The following CREB3L3 variants were observed in gnomAD, a reference collection of about 807,000 sequenced individuals.
CREB3L3 encodes cAMP responsive element binding protein 3 like 3, also known as cyclic AMP-responsive element-binding protein 3-like protein 3.
CREB3L3 carries 40 observed loss-of-function variants against 44.6 expected under a neutral mutation model. That is an observed-to-expected ratio of 0.90 (90% confidence interval 0.70 to 1.17). The LOEUF is 1.17. CREB3L3 is among the 50% of genes most tolerant of loss of function. The pLI is 0.00. For missense variants in CREB3L3, 578 were observed against 595.8 expected, an observed-to-expected ratio of 0.97 and a Z score of 0.31; for synonymous variants, 273 against 256.3, an observed-to-expected ratio of 1.06 and a Z score of -0.62.
At chr19:4,159,808 G>A (rs377704339) in intron 4 of CREB3L3, 26 bp downstream of exon 4, 217 of 1,002,930 alleles carry the variant, frequency 2.2e-4, no homozygotes, top group Middle Eastern at 6.7e-4. Flanking sequence ...CCCTCCCATG[G>A]GGCGTTGGAG....
In CREB3L3 at chr19:4,167,279, G is replaced by C. The variant is rs565210982; in HGVS notation, c.715-1072G>C. ...AATCACTTGAACCCTGGGGGTGGAG[G>C]TTGCAGTGAGCTGAGATCTTGCCAC... On this transcript the variant is annotated intron_variant, in intron 5 of 9. Coordinates refer to ENST00000078445, the MANE Select transcript of CREB3L3 (RefSeq NM_032607.3). Among the ~76,000 whole-genome samples the C allele has an allele frequency of 2.0e-5, 3 of 151,312 alleles. No individual in the cohort carries two copies. The Admixed American group carries it at 2.0e-4, about 10-fold the overall frequency.
intron 4 of CREB3L3, among the ~76,000 whole-genome samples, chr19:4,160,317 C>T (rs1326496202): frequency 6.6e-6 from 1 of 151,808 alleles, no homozygotes; most frequent in African/African-American, 2.4e-5. Context: ...ACAAAAAGAA[C>T]AAAGCTAAAA....
chr19:4,159,845 G>T, intron 4 of CREB3L3, 63 bp downstream of exon 4: 1 of 802,200 alleles, frequency 1.2e-6, no homozygotes, highest in South Asian at 1.3e-5. Flanking sequence ...GGTTCGAGGA[G>T]CCTAAATATC....
intron 1 of CREB3L3, among the ~76,000 whole-genome samples, 182 bp from the exon 2 acceptor site, chr19:4,154,717 C>A (rs2041549721): frequency 6.6e-6 from 1 of 152,166 alleles, no homozygotes; most frequent in Non-Finnish European, 1.5e-5. Flanking sequence ...CTGTGGAATT[C>A]TCTCTATCAG....
chr19:4,172,153 A>G lies in CREB3L3; in HGVS notation c.*184A>G. Reference sequence around the variant, plus strand: ...GACTGAGGCCCACGCAGGAACCGACACTCAGACACAAGGCAAAGAGGGCCA... The same window carrying G: ...GACTGAGGCCCACGCAGGAACCGACGCTCAGACACAAGGCAAAGAGGGCCA... On this transcript the variant is annotated 3_prime_UTR_variant, in exon 10 of 10. Coordinates refer to ENST00000078445, the MANE Select transcript of CREB3L3 (RefSeq NM_032607.3). 1 of 658,120 alleles carries G rather than the reference A, an allele frequency of 1.5e-6. No individual in the cohort carries two copies. The highest frequency in any genetic ancestry group is 2.9e-5 in the Admixed American group (1 of 33,930). 40.8% of individuals were successfully genotyped at this position (658,120 alleles called of 1,614,324 possible).
At chr19:4,166,251 G>A (rs1966903271) in intron 5 of CREB3L3, among the ~76,000 whole-genome samples, 1 of 151,032 alleles carries the variant, frequency 6.6e-6, no homozygotes, top group Non-Finnish European at 1.5e-5. Flanking sequence ...ATTATGCCTA[G>A]CTAATTTTTT....
intron 2 of CREB3L3, among the ~76,000 whole-genome samples, chr19:4,155,260 T>C (rs568510603): frequency 8.4e-4 from 128 of 152,194 alleles, no homozygotes; most frequent in African/African-American, 2.9e-3. Context: ...TCATCCAAAG[T>C]CACACAGCAA....
intron 3 of CREB3L3, among the ~76,000 whole-genome samples, chr19:4,157,666 G>A (rs1228847696): frequency 1.3e-5 from 2 of 152,042 alleles, no homozygotes; most frequent in Non-Finnish European, 2.9e-5. Context: ...CTGGTTCCTA[G>A]TAGATTTTTT....
chr19:4,167,384 GAAAGA>G (rs940003653), intron 5 of CREB3L3, among the ~76,000 whole-genome samples: 1 of 138,618 alleles, frequency 7.2e-6, no homozygotes, highest in Non-Finnish European at 1.6e-5. Context: ...GAAAAGGAAG[GAAAGA>G]AAAGAAAGAA....
intron 2 of CREB3L3, among the ~76,000 whole-genome samples, chr19:4,156,289 G>C (rs1450580653): frequency 6.6e-6 from 1 of 151,620 alleles, no homozygotes. Context: ...CCAGGTTCAA[G>C]TGATTCTCCT....
At chr19:4,170,787 T>A (rs1181382001) in intron 7 of CREB3L3, among the ~76,000 whole-genome samples, 1 of 151,534 alleles carries the variant, frequency 6.6e-6, no homozygotes, top group Admixed American at 6.6e-5. Context: ...GGTGGGCGCC[T>A]GTAGTCCCAG....
intron 2 of CREB3L3, 139 bp from the exon 3 acceptor site, chr19:4,156,856 G>T: frequency 1.2e-6 from 1 of 835,620 alleles, no homozygotes; most frequent in Non-Finnish European, 1.9e-6. Context: ...AGCCCCGGGA[G>T]GAAGAAGCAG....
Position 4,171,766 on chromosome 19 carries a change from T to A in CREB3L3, c.1183T>A (p.Ser395Thr), listed in dbSNP as rs1967054044. 6.2e-7 allele frequency: 1 copy of A among 1,611,542 alleles called. No homozygotes were observed. Among genetic ancestry groups the A allele is most frequent in the Admixed American group, 1.7e-5 (1 of 59,876 alleles). The part of the protein sequence containing the change: ...RPEADTTREE[S>T]PGSPGADWGF... Reference sequence around the variant, plus strand: ...CGAGGCTGACACAACCCGAGAAGAGTCTCCAGGAAGCCCCGGGGCAGACTG... The same window carrying A: ...CGAGGCTGACACAACCCGAGAAGAGACTCCAGGAAGCCCCGGGGCAGACTG... The change falls in exon 10 of 10, where the codon TCT (serine) becomes ACT (threonine). Residue 395 changes from serine to threonine, a missense_variant. By Grantham distance (58) the Ser-to-Thr change is moderately conservative. Coordinates refer to ENST00000078445, the MANE Select transcript of CREB3L3 (RefSeq NM_032607.3). This position sits in a 1 kb window ranked among gnomAD's most constrained non-coding sequence, Gnocchi z 4.9.
chr19:4,167,554 G>A (rs1275319190), intron 5 of CREB3L3, among the ~76,000 whole-genome samples: 1 of 122,970 alleles, frequency 8.1e-6, no homozygotes, highest in Non-Finnish European at 1.7e-5. Context: ...GGGAGGGAGG[G>A]AGGGAGGGGA....
chr19:4,171,202 C>G lies in CREB3L3; in HGVS notation c.975+27C>G, dbSNP rs1031253143. 1 of 1,601,434 alleles carries G rather than the reference C, an allele frequency of 6.2e-7. No individual in the cohort carries two copies. Among genetic ancestry groups the G allele is most frequent in the Non-Finnish European group, 8.6e-7 (1 of 1,168,706 alleles). On this transcript the variant is annotated intron_variant, in intron 8 of 9. Coordinates refer to ENST00000078445, the MANE Select transcript of CREB3L3 (RefSeq NM_032607.3). This position sits in a 1 kb window ranked among gnomAD's most constrained non-coding sequence, Gnocchi z 4.9. ...TGAGTCCTGGTGCCCCCAGGCAAGCCGGGGACCTAGGCTTCTGTAGAGGGG... is the reference window on the plus strand; with the variant it reads ...TGAGTCCTGGTGCCCCCAGGCAAGCGGGGGACCTAGGCTTCTGTAGAGGGG...
intron 2 of CREB3L3, 94 bp downstream of exon 2, chr19:4,155,121 A>T: frequency 2.0e-6 from 3 of 1,491,472 alleles, no homozygotes; most frequent in Non-Finnish European, 2.8e-6. Flanking sequence ...GAGCCCAGCC[A>T]GAGCTCTGCT....
At position 4,168,470 on chromosome 19, in the gene CREB3L3, G is replaced by C; in HGVS notation, c.821+13G>C. 1 of 1,571,278 alleles carries C rather than the reference G, an allele frequency of 6.4e-7. No homozygotes were observed. The highest frequency in any genetic ancestry group is 8.7e-7 in the Non-Finnish European group (1 of 1,146,278). ...GCCTGGAGACTCGGTGGGTAGTGCT[G>C]GACCCAGACTCTACACTCGTGGAGG... On this transcript the variant is annotated intron_variant, in intron 6 of 9. Coordinates refer to ENST00000078445, the MANE Select transcript of CREB3L3 (RefSeq NM_032607.3).
intron 3 of CREB3L3, among the ~76,000 whole-genome samples, chr19:4,158,709 G>T (rs1006909874): frequency 2.1e-4 from 32 of 151,518 alleles, no homozygotes; most frequent in Non-Finnish European, 4.3e-4. Flanking sequence ...GCTAAGGCAG[G>T]AGAATCTCTT....
At chr19:4,167,441 GAAAGAAAGGA>G in intron 5 of CREB3L3, among the ~76,000 whole-genome samples, 1 of 109,762 alleles carries the variant, frequency 9.1e-6, no homozygotes, top group Non-Finnish European at 2.1e-5. Flanking sequence ...AGAAAGGAAA[GAAAGAAAGGA>G]AGAAAAGAAG....
Sources: allele counts gnomAD v4.1 joint callset (sites outside exome capture counted in the v4.1 genomes callset), GRCh38; gene constraint gnomAD v4.1.1; non-coding constraint Gnocchi (gnomAD v3.1); transcripts MANE v1.5; gene names NCBI Gene and HGNC (gene_info 2026-07-23, HGNC 2026-07-21).